Variants in ELL observed in about 807,000 individuals in gnomAD.
ELL encodes elongation factor for RNA polymerase II, also known as RNA polymerase II elongation factor ELL.
Under a neutral mutation model 64.0 loss-of-function variants are expected in ELL, and 18 were observed. The ratio of observed to expected loss-of-function variants is 0.28; its 90% CI spans 0.19 to 0.42. The LOEUF (loss-of-function observed/expected upper bound fraction) is 0.42, where lower values mean the gene tolerates loss of function less well. Among genes scored for constraint, ELL ranks in the 10% least tolerant of loss-of-function variants. The probability of loss-of-function intolerance (pLI) is 1.00; values close to 1 mark genes in which losing one functional copy is unlikely to be tolerated. For missense variants in ELL, 797 were observed against 870.4 expected, an observed-to-expected ratio of 0.92 and a Z score of 1.06; for synonymous variants, 399 against 376.2, an observed-to-expected ratio of 1.06 and a Z score of -0.70.
chr19:18,463,655 C>A (rs755500809), intron 4 of ELL, among the ~76,000 whole-genome samples: 1 of 151,936 alleles, frequency 6.6e-6, no homozygotes, highest in Admixed American at 6.6e-5. Flanking sequence ...TAACAGACAG[C>A]GTCCCCTACC....
chr19:18,476,401 C>A (rs1031045763), intron 1 of ELL, among the ~76,000 whole-genome samples: 5 of 152,162 alleles, frequency 3.3e-5, no homozygotes, highest in East Asian at 1.9e-4. Flanking sequence ...CACAACCCCC[C>A]CAAGGAACTG....
At chr19:18,461,524 C>A in intron 5 of ELL, 54 bp downstream of exon 5, 1 of 1,550,258 alleles carries the variant, frequency 6.5e-7, no homozygotes, top group Non-Finnish European at 8.7e-7. Flanking sequence ...CCCACCCGCA[C>A]AAGACCATCT....
At chr19:18,519,101 G>A (rs1158581639) in intron 1 of ELL, among the ~76,000 whole-genome samples, 1 of 151,960 alleles carries the variant, frequency 6.6e-6, no homozygotes, top group Non-Finnish European at 1.5e-5. Context: ...GGTTGGTCAC[G>A]CCTGTAATCC....
At chr19:18,518,002 C>T (rs953226429) in intron 1 of ELL, among the ~76,000 whole-genome samples, 2 of 151,510 alleles carry the variant, frequency 1.3e-5, no homozygotes, top group Non-Finnish European at 2.9e-5. Context: ...AGGAGGATCA[C>T]CTGAGGTCAG....
intron 1 of ELL, among the ~76,000 whole-genome samples, chr19:18,511,761 G>A (rs779495650): frequency 8.6e-5 from 13 of 151,998 alleles, no homozygotes; most frequent in Non-Finnish European, 1.9e-4. Context: ...GCTCAAGCTT[G>A]TAATCCCAGC....
intron 2 of ELL, chr19:18,471,494 C>T: frequency 3.8e-6 from 1 of 264,352 alleles, no homozygotes; most frequent in South Asian, 3.0e-5. Flanking sequence ...ATGGTGAAAC[C>T]CTATCTCTAC....
rs1283531569 is a variant in ELL, at chr19:18,511,873, A to AT, written c.135+10047_135+10048insA. On this transcript the variant is annotated intron_variant, in intron 1 of 11. Coordinates refer to ENST00000262809, the MANE Select transcript of ELL (RefSeq NM_006532.4). Reference sequence around the variant, plus strand: ...GCCTCTACAAATTAAAAAAAAAAAAAGGGCCGGGCACAGTGACTCACGCCT... The same window carrying AT: ...GCCTCTACAAATTAAAAAAAAAAAAATGGGCCGGGCACAGTGACTCACGCCT... 8.4e-3 allele frequency among the ~76,000 whole-genome samples: 1,268 copies of AT among 150,966 alleles called. 18 individuals carry two copies. The highest frequency in any genetic ancestry group is 0.027 in the African/African-American group (1,095 of 41,134).
At chr19:18,518,164 G>T (rs1385443292) in intron 1 of ELL, among the ~76,000 whole-genome samples, 1 of 149,850 alleles carries the variant, frequency 6.7e-6, no homozygotes, top group Non-Finnish European at 1.5e-5. Flanking sequence ...CTCCAGCCTA[G>T]CAACAAGAGT....
At chr19:18,461,955 T>G (rs539414954) in intron 4 of ELL, 103 bp from the exon 5 acceptor site, 1 of 1,426,522 alleles carries the variant, frequency 7.0e-7, no homozygotes, top group Non-Finnish European at 9.5e-7. Context: ...TAGACAGTGC[T>G]GGTGGGAGGC....
intron 1 of ELL, among the ~76,000 whole-genome samples, chr19:18,485,580 C>T (rs1312547832): frequency 6.6e-6 from 1 of 152,178 alleles, no homozygotes. Flanking sequence ...AACTCTAAGG[C>T]TCATCTTAGA....
intron 1 of ELL, among the ~76,000 whole-genome samples, chr19:18,509,601 A>ACC (rs1975970314): frequency 5.7e-5 from 1 of 17,524 alleles, no homozygotes; most frequent in Non-Finnish European, 1.1e-4. Flanking sequence ...GCGCACATAC[A>ACC]CACACACACA....
At chr19:18,488,305 T>G (rs1975459388) in intron 1 of ELL, among the ~76,000 whole-genome samples, 1 of 152,128 alleles carries the variant, frequency 6.6e-6, no homozygotes, top group African/African-American at 2.4e-5. Context: ...GTCACCAAAC[T>G]GGACTCCTCC....
At chr19:18,514,771 C>G (rs1299690426) in intron 1 of ELL, among the ~76,000 whole-genome samples, 1 of 152,164 alleles carries the variant, frequency 6.6e-6, no homozygotes, top group Non-Finnish European at 1.5e-5. Context: ...ACAAAGGACA[C>G]AGAAGAGGCC....
chr19:18,506,025 T>A (rs777850354), intron 1 of ELL, among the ~76,000 whole-genome samples: 7 of 152,262 alleles, frequency 4.6e-5, no homozygotes, highest in Non-Finnish European at 8.8e-5. Flanking sequence ...CCCCCCATGC[T>A]GGCCCTCAGC....
intron 2 of ELL, among the ~76,000 whole-genome samples, chr19:18,466,355 G>A (rs911913187): frequency 1.3e-5 from 2 of 152,202 alleles, no homozygotes; most frequent in Non-Finnish European, 2.9e-5. Context: ...GGGCAGCCAC[G>A]CGCAACTCTG....
chr19:18,508,878 T>C (rs970970412), intron 1 of ELL, among the ~76,000 whole-genome samples: 1 of 151,984 alleles, frequency 6.6e-6, no homozygotes, highest in Non-Finnish European at 1.5e-5. Context: ...CACGCTATAG[T>C]CTCTAGGGTT....
At chr19:18,521,814 CA>C (rs1396837251) in intron 1 of ELL, 106 bp downstream of exon 1, 3 of 1,411,166 alleles carry the variant, frequency 2.1e-6, no homozygotes, top group African/African-American at 3.0e-5. Flanking sequence ...CCGCGAGCAG[CA>C]CCACAGACCT....
At chr19:18,510,672 C>T (rs1220943525) in intron 1 of ELL, among the ~76,000 whole-genome samples, 3 of 152,184 alleles carry the variant, frequency 2.0e-5, no homozygotes, top group African/African-American at 7.2e-5. Context: ...GCTCCAAGAC[C>T]ACCCCACACC....
intron 1 of ELL, among the ~76,000 whole-genome samples, chr19:18,496,135 G>A (rs772572540): frequency 6.6e-6 from 1 of 152,230 alleles, no homozygotes; most frequent in Non-Finnish European, 1.5e-5. Flanking sequence ...TGGGGAAACT[G>A]AGGCTCAGGT....
Sources: gnomAD v4.1 joint callset for allele counts (sites outside exome capture counted in the v4.1 genomes callset) on GRCh38, gnomAD v4.1.1 for gene constraint, MANE v1.5 for transcripts, NCBI Gene and HGNC (gene_info 2026-07-23, HGNC 2026-07-21) for gene names.